The following NXPH1 variants were observed in gnomAD, a reference collection of about 807,000 sequenced individuals.
The protein encoded by NXPH1 is neurexophilin-1.
In NXPH1, 5 loss-of-function variants were observed where a neutral mutation model predicts 23.7. That is an observed-to-expected ratio of 0.21 (90% confidence interval 0.11 to 0.44). The LOEUF (loss-of-function observed/expected upper bound fraction) is 0.44. Ranked by LOEUF, NXPH1 falls within the 20% of genes least tolerant of loss-of-function variation. The pLI, the probability that NXPH1 is intolerant of heterozygous loss-of-function variation, is 0.99. For missense variants in NXPH1, 324 were observed against 321.6 expected, an observed-to-expected ratio of 1.01 and a Z score of -0.06; for synonymous variants, 144 against 122.2, an observed-to-expected ratio of 1.18 and a Z score of -1.18.
intron 2 of NXPH1, among the ~76,000 whole-genome samples, chr7:8,698,270 A>G (rs1779566392): frequency 1.3e-5 from 2 of 152,178 alleles, no homozygotes; most frequent in South Asian, 4.1e-4. Context: ...ATTCTATAAT[A>G]TATATAAATA....
intron 2 of NXPH1, among the ~76,000 whole-genome samples, chr7:8,627,937 C>T (rs142517783): frequency 6.6e-6 from 1 of 151,942 alleles, no homozygotes; most frequent in East Asian, 1.9e-4. Flanking sequence ...ATAAAAGGCA[C>T]TATATGGGCA....
At chr7:8,682,081 G>A (rs1395902059) in intron 2 of NXPH1, among the ~76,000 whole-genome samples, 1 of 152,150 alleles carries the variant, frequency 6.6e-6, no homozygotes, top group African/African-American at 2.4e-5. Flanking sequence ...CTGGGGTGAG[G>A]GGTGATTGAT....
intron 2 of NXPH1, among the ~76,000 whole-genome samples, chr7:8,639,875 A>G (rs1334057758): frequency 1.3e-5 from 2 of 152,152 alleles, no homozygotes; most frequent in Non-Finnish European, 2.9e-5. Context: ...AGGCCTGCCT[A>G]GTCATGTGAA....
At chr7:8,641,652 A>G (rs1230843182) in intron 2 of NXPH1, among the ~76,000 whole-genome samples, 1 of 151,900 alleles carries the variant, frequency 6.6e-6, no homozygotes. Context: ...TGCTTATGGT[A>G]TTTACTTCCC....
chr7:8,737,067 G>T (rs924398512), intron 2 of NXPH1, among the ~76,000 whole-genome samples: 1 of 152,042 alleles, frequency 6.6e-6, no homozygotes, highest in Admixed American at 6.5e-5. Flanking sequence ...GCAGATCGAT[G>T]AGTCTTAACT....
At chr7:8,650,019 G>C (rs1820465476) in intron 2 of NXPH1, among the ~76,000 whole-genome samples, 1 of 96,732 alleles carries the variant, frequency 1.0e-5, no homozygotes, top group African/African-American at 3.2e-5. Context: ...GGTGAAACCT[G>C]TCTACTTGGA....
rs950893888 is a variant in NXPH1 at position 8,437,501 on chromosome 7, C to T, written c.54+1734C>T. ...GACCTGAACTTGAGGACTGTTCTTA[C>T]GTCCTTGGGCTGTGCTCACACACAC... is the stretch of plus-strand genomic sequence containing the variant. On this transcript the variant is annotated intron_variant, in intron 2 of 2. Transcript: ENST00000405863. Among the ~76,000 whole-genome samples, 11 of 152,292 alleles carry T rather than the reference C, an allele frequency of 7.2e-5. 2 individuals are homozygous for T. Among genetic ancestry groups the T allele is most frequent in the Admixed American group, 1.3e-4 (2 of 15,296 alleles).
intron 2 of NXPH1, among the ~76,000 whole-genome samples, chr7:8,617,935 C>A (rs570686253): frequency 3.9e-5 from 6 of 151,938 alleles, no homozygotes; most frequent in South Asian, 4.1e-4. Context: ...TATGTACCCA[C>A]GACAATTAAA....
chr7:8,687,676 A>T (rs1399260885), intron 2 of NXPH1, among the ~76,000 whole-genome samples: 1 of 152,150 alleles, frequency 6.6e-6, no homozygotes, highest in Non-Finnish European at 1.5e-5. Context: ...CTCATTTGAG[A>T]AATAGAGATA....
At chr7:8,455,635 A>T (rs1421794945) in intron 2 of NXPH1, among the ~76,000 whole-genome samples, 1 of 152,186 alleles carries the variant, frequency 6.6e-6, no homozygotes, top group Admixed American at 6.5e-5. Context: ...AAGGATCAGA[A>T]TTTGAGCAAT....
rs530993557 is a variant in NXPH1, at chr7:8,499,141, G to T, written c.54+63374G>T. On this transcript the variant is annotated intron_variant, in intron 2 of 2. Coordinates refer to ENST00000405863, the MANE Select transcript of NXPH1 (RefSeq NM_152745.3). ...CAGGAAGTATCTTTGAGCTGTGCCA[G>T]TGGAGAATTCTTTTTTGGTTCCTAT... is the stretch of plus-strand genomic sequence containing the variant. Among the ~76,000 whole-genome samples the T allele has an allele frequency of 3.9e-5, 6 of 152,166 alleles. No homozygotes were observed. In the South Asian group the frequency reaches 1.0e-3, roughly 26 times the overall value.
intron 2 of NXPH1, among the ~76,000 whole-genome samples, chr7:8,717,456 T>C (rs536592883): frequency 1.3e-5 from 2 of 152,142 alleles, no homozygotes; most frequent in East Asian, 1.9e-4. Context: ...CTGAAAGAGA[T>C]AATGTGTGGA....
intron 2 of NXPH1, among the ~76,000 whole-genome samples, chr7:8,485,958 A>G (rs1817152544): frequency 6.6e-6 from 1 of 152,182 alleles, no homozygotes; most frequent in South Asian, 2.1e-4. Flanking sequence ...GACTTTAGTT[A>G]TAAAGATCAG....
intron 2 of NXPH1, among the ~76,000 whole-genome samples, chr7:8,679,331 G>C (rs1821015319): frequency 6.6e-6 from 1 of 152,152 alleles, no homozygotes. Context: ...AGTACAATTT[G>C]CAACATTATG....
At chr7:8,521,658 CA>C (rs1282960618) in intron 2 of NXPH1, among the ~76,000 whole-genome samples, 3 of 152,128 alleles carry the variant, frequency 2.0e-5, no homozygotes, top group Non-Finnish European at 4.4e-5. Context: ...AAGGGGTTCG[CA>C]ATTGAGATAT....
At chr7:8,635,606 A>G (rs542548743) in intron 2 of NXPH1, among the ~76,000 whole-genome samples, 5 of 152,330 alleles carry the variant, frequency 3.3e-5, no homozygotes, top group African/African-American at 7.2e-5. Flanking sequence ...CCATCACTCA[A>G]TTACCTGCCA....
intron 2 of NXPH1, among the ~76,000 whole-genome samples, chr7:8,582,926 C>A (rs1250290679): frequency 6.6e-6 from 1 of 152,204 alleles, no homozygotes; most frequent in Non-Finnish European, 1.5e-5. Flanking sequence ...CGCTGAGGGG[C>A]AGCTGCAGGC....
At chr7:8,584,441 T>G (rs550528013) in intron 2 of NXPH1, among the ~76,000 whole-genome samples, 1 of 152,324 alleles carries the variant, frequency 6.6e-6, no homozygotes, top group South Asian at 2.1e-4. Flanking sequence ...TGCATGCATA[T>G]TTTTATTATA....
intron 2 of NXPH1, among the ~76,000 whole-genome samples, chr7:8,517,155 G>A (rs1817698586): frequency 6.6e-6 from 1 of 152,146 alleles, no homozygotes; most frequent in Admixed American, 6.5e-5. Context: ...TAGCAAACTA[G>A]TGTGCATAGT....
Sources: gnomAD v4.1 joint callset for allele counts (sites outside exome capture counted in the v4.1 genomes callset) on GRCh38, gnomAD v4.1.1 for gene constraint, MANE v1.5 for transcripts, NCBI Gene and HGNC (gene_info 2026-07-23, HGNC 2026-07-21) for gene names.